Variants in FUBP1 observed in about 807,000 individuals in gnomAD.
FUBP1 encodes the protein far upstream element binding protein 1, also known as far upstream element-binding protein 1.
FUBP1 carries 16 observed loss-of-function variants against 94.9 expected under a neutral mutation model. The observed-to-expected ratio is 0.17, with a 90% CI of 0.11 to 0.26. The LOEUF is 0.26. Among genes scored for constraint, FUBP1 ranks in the 10% least tolerant of loss-of-function variants. The probability of loss-of-function intolerance (pLI) is 1.00; values close to 1 mark genes in which losing one functional copy is unlikely to be tolerated. For synonymous variants in FUBP1, 279 were observed against 254.9 expected (o/e 1.09, Z -0.90); for missense variants, 583 against 808.6 (o/e 0.72, Z 3.38).
intron 3 of FUBP1, 49 bp from the exon 4 acceptor site, chr1:77,967,715 T>G (rs1296326983): frequency 9.2e-7 from 1 of 1,084,582 alleles, no homozygotes; most frequent in African/African-American, 1.6e-5. Flanking sequence ...AATTTAAATT[T>G]ACTTATATAT....
chr1:77,947,383 T>G lies in FUBP1; in HGVS notation c.*1383A>C. On this transcript the variant is annotated 3_prime_UTR_variant, in exon 20 of 20. Transcript: ENST00000370768. The stretch of plus-strand genomic sequence containing the variant: ...ATAATATTCACACAACGTATGGCAT[T>G]TGCATTATGTGGAACATTGACAAAA... The G allele has an allele frequency of 2.0e-6, 1 of 510,150 alleles. No homozygotes were observed. The allele number at this position is 510,150 out of a possible 1,614,324, so 31.6% of individuals were successfully genotyped here.
rs746907783 is a variant in FUBP1 at position 77,964,620 on chromosome 1, AT to A, written c.837+25del. On this transcript the variant is annotated intron_variant, in intron 10 of 19. Coordinates refer to ENST00000370768, the MANE Select transcript of FUBP1 (RefSeq NM_003902.5). ...TATATTTATGAATTAGCATACAACC[AT>A]TTCTGAATGGGTATTTTTACTTACA... 8.9e-6 allele frequency: 11 copies of A among 1,235,734 alleles called. No individual in the cohort carries two copies. The South Asian group carries it at 1.2e-4, about 14-fold the overall frequency. The allele number at this position is 1,235,734 out of a possible 1,614,324, so 76.5% of individuals were successfully genotyped here.
rs1658690742 is a variant in FUBP1 at position 77,976,837 on chromosome 1, A to G, written c.120+2048T>C. Among the ~76,000 whole-genome samples the G allele has an allele frequency of 2.0e-5, 3 of 152,208 alleles. No homozygotes were observed. In the South Asian group the frequency reaches 6.2e-4, roughly 31 times the overall value. On this transcript the variant is annotated intron_variant, in intron 1 of 19. Coordinates refer to ENST00000370768, the MANE Select transcript of FUBP1 (RefSeq NM_003902.5). Reference sequence around the variant, plus strand: ...AAAGCATTGCAACACAAGGTCTTCCAGTATCTGGATCCGCTTGTACCTTTC... The same window carrying G: ...AAAGCATTGCAACACAAGGTCTTCCGGTATCTGGATCCGCTTGTACCTTTC...
At position 77,945,148 on chromosome 1, in the gene FUBP1, A is replaced by T. The variant is rs2102200597; in HGVS notation, c.*3618T>A. Among the ~76,000 whole-genome samples, 1 of 152,152 alleles carries T rather than the reference A, an allele frequency of 6.6e-6. No individual in the cohort carries two copies. Among genetic ancestry groups the T allele is most frequent in the Middle Eastern group, 3.4e-3 (1 of 294 alleles). On this transcript the variant is annotated 3_prime_UTR_variant, in exon 20 of 20. Coordinates refer to ENST00000370768, the MANE Select transcript of FUBP1 (RefSeq NM_003902.5). ...GTGAAGGCTTATGGTAATGAATAAA[A>T]GAATTCTCATGAGACAGAAACAATG...
chr1:77,960,945 C>T (rs988718150), intron 14 of FUBP1, among the ~76,000 whole-genome samples: 3 of 152,142 alleles, frequency 2.0e-5, no homozygotes, highest in Non-Finnish European at 4.4e-5. Flanking sequence ...TCATCGTCTT[C>T]TGAACATTTC....
intron 16 of FUBP1, 83 bp from the exon 17 acceptor site, chr1:77,956,783 T>G: frequency 1.0e-6 from 1 of 975,106 alleles, no homozygotes; most frequent in Non-Finnish European, 1.5e-6. Context: ...CCCGCCCAGC[T>G]CTCTGGCAAA....
intron 16 of FUBP1, among the ~76,000 whole-genome samples, chr1:77,958,682 T>A (rs1433692999): frequency 1.3e-5 from 2 of 152,118 alleles, no homozygotes; most frequent in African/African-American, 4.8e-5. Flanking sequence ...AGTGAGAAAT[T>A]CAACTTGTGA....
chr1:77,961,851 C>A (rs1347309280), intron 14 of FUBP1, among the ~76,000 whole-genome samples: 1 of 152,184 alleles, frequency 6.6e-6, no homozygotes, highest in Non-Finnish European at 1.5e-5. Flanking sequence ...ACATCCTCTT[C>A]ATTTTTTGAA....
At chr1:77,966,189 G>C (rs1402570111) in intron 7 of FUBP1, among the ~76,000 whole-genome samples, 1 of 152,200 alleles carries the variant, frequency 6.6e-6, no homozygotes, top group East Asian at 1.9e-4. Flanking sequence ...AGGCTGGTAG[G>C]TTTAGTGGTA....
At chr1:77,967,597 GAGT>G (rs1295076817) in intron 4 of FUBP1, 27 bp downstream of exon 4, 1 of 1,552,998 alleles carries the variant, frequency 6.4e-7, no homozygotes, top group Non-Finnish European at 8.8e-7. Context: ...AAAACTTGCA[GAGT>G]ACTTTTTGAA....
intron 1 of FUBP1, among the ~76,000 whole-genome samples, chr1:77,975,984 T>C (rs1658526653): frequency 6.6e-6 from 1 of 152,226 alleles, no homozygotes. Flanking sequence ...TTACTTGTCC[T>C]GCTTTTCTGA....
chr1:77,960,046 G>C, intron 16 of FUBP1, 138 bp downstream of exon 16: 1 of 658,278 alleles, frequency 1.5e-6, no homozygotes, highest in South Asian at 1.9e-5. Context: ...CTGGGGTAGA[G>C]GCAGTGCCTA....
chr1:77,961,340 A>T (rs1319855768), intron 14 of FUBP1, among the ~76,000 whole-genome samples: 3 of 152,198 alleles, frequency 2.0e-5, no homozygotes, highest in Non-Finnish European at 2.9e-5. Context: ...AAACTTCATG[A>T]CCTTTAAAGT....
chr1:77,965,500 A>G (rs1157061620), intron 7 of FUBP1, among the ~76,000 whole-genome samples: 4 of 152,250 alleles, frequency 2.6e-5, no homozygotes, highest in Admixed American at 2.0e-4. Context: ...CTCTAATGCT[A>G]AAGTTATCTC....
chr1:77,970,018 A>C lies in FUBP1; in HGVS notation c.121-3T>G. On this transcript the variant is annotated splice_polypyrimidine_tract_variant and splice_region_variant and intron_variant, in intron 1 of 19. Coordinates refer to ENST00000370768, the MANE Select transcript of FUBP1 (RefSeq NM_003902.5). ...TCACCTCCAATTTTTGCTGCAATCT[A>C]AAAAAAAAAAAGAAAAATACCATCA... 1 of 390,238 alleles carries C rather than the reference A, an allele frequency of 2.6e-6. No individual in the cohort carries two copies. Among genetic ancestry groups the C allele is most frequent in the Non-Finnish European group, 3.7e-6 (1 of 268,600 alleles). The allele number at this position is 390,238 out of a possible 1,614,324, so 24.2% of individuals were successfully genotyped here.
rs1553245944 is a variant in FUBP1 at position 77,948,583 on chromosome 1, T to TATTAACCTCCTA, written c.*171_*182dup. 7.7e-7 allele frequency: 1 copy of TATTAACCTCCTA among 1,290,402 alleles called. No homozygotes were observed. The highest frequency in any genetic ancestry group is 1.0e-6 in the Non-Finnish European group (1 of 1,001,546). 79.9% of individuals were successfully genotyped at this position (1,290,402 alleles called of 1,614,324 possible). A position where few individuals can be genotyped will look rare whatever the true frequency, so the allele number is the denominator to read the frequency against. ...ACCAATTTTCATTTCTACACAGAAATATTAACCTCCTATCAGTAGTGATAG... is the reference window on the plus strand; with the variant it reads ...ACCAATTTTCATTTCTACACAGAAATATTAACCTCCTAATTAACCTCCTATCAGTAGTGATAG... On this transcript the variant is annotated 3_prime_UTR_variant, in exon 20 of 20. Transcript: ENST00000370768.
intron 1 of FUBP1, among the ~76,000 whole-genome samples, chr1:77,970,415 T>C (rs80077063): frequency 0.047 from 7,203 of 152,270 alleles, 230 homozygotes; most frequent in East Asian, 0.11. Flanking sequence ...ACTAGCCATA[T>C]GTGGTTATTG....
At chr1:77,954,528 C>T (rs1486877895) in intron 18 of FUBP1, among the ~76,000 whole-genome samples, 1 of 152,180 alleles carries the variant, frequency 6.6e-6, no homozygotes, top group Admixed American at 6.5e-5. Context: ...CATCACCTTT[C>T]TGGAAATTTT....
intron 11 of FUBP1, 34 bp from the exon 12 acceptor site, chr1:77,964,196 T>C: frequency 6.5e-7 from 1 of 1,548,130 alleles, no homozygotes; most frequent in Non-Finnish European, 8.9e-7. Context: ...AATTAAACAA[T>C]AAATGTATGT....
Sources: allele counts gnomAD v4.1 joint callset (sites outside exome capture counted in the v4.1 genomes callset), GRCh38; gene constraint gnomAD v4.1.1; transcripts MANE v1.5; gene names NCBI Gene and HGNC (gene_info 2026-07-23, HGNC 2026-07-21).